ZBTB20: variants seen among roughly 807,000 people sequenced by gnomAD.
ZBTB20 encodes the protein zinc finger and BTB domain-containing protein 20.
A neutral mutation model predicts 56.9 loss-of-function variants in ZBTB20; 9 were observed. The observed-to-expected ratio is 0.16, with a 90% CI of 0.10 to 0.28. The LOEUF (loss-of-function observed/expected upper bound fraction) is 0.28, where lower values mean the gene tolerates loss of function less well. ZBTB20 is among the 10% of genes least tolerant of loss of function. The pLI is 1.00. For missense variants in ZBTB20, 655 were observed against 1,003.0 expected (o/e 0.65, Z 4.69); for synonymous variants, 417 against 420.7 (o/e 0.99, Z 0.11).
In ZBTB20 at chr3:114,486,113, A is replaced by G. The variant is rs1466708197; in HGVS notation, c.-255+14239T>C. On this transcript the variant is annotated intron_variant, in intron 7 of 11. Coordinates refer to ENST00000675478, the MANE Select transcript of ZBTB20 (RefSeq NM_001348800.3). ...AAAAAAATTCCAAATAATGGTGGTC[A>G]GTAAGAGTGTGTGTGTGTGTGTGTG... 5.2e-4 allele frequency among the ~76,000 whole-genome samples: 53 copies of G among 102,320 alleles called. 1 individual carries two copies. Among genetic ancestry groups the G allele is most frequent in the Admixed American group, 3.0e-3 (21 of 6,920 alleles). The allele number at this position is 102,320 out of a possible 152,430, so 67.1% of individuals were successfully genotyped here.
chr3:114,593,385 T>C (rs1405849901), intron 6 of ZBTB20, among the ~76,000 whole-genome samples: 1 of 125,778 alleles, frequency 8.0e-6, no homozygotes, highest in African/African-American at 3.3e-5. Context: ...TTTTCTTTTC[T>C]TTTTTTTTTT....
chr3:114,320,035 TC>T lies in ZBTB20; in HGVS notation c.*18969del, dbSNP rs2078838308. ...CATTAATTGCAATAATGACAAGATC[TC>T]TGCTCTCAGAGGAATGCTCTGTTTT... On this transcript the variant is annotated 3_prime_UTR_variant, in exon 12 of 12. Coordinates refer to ENST00000675478, the MANE Select transcript of ZBTB20 (RefSeq NM_001348800.3). 1 of 152,198 alleles carries T rather than the reference TC, an allele frequency of 6.6e-6. No individual in the cohort carries two copies. Among genetic ancestry groups the T allele is most frequent in the Non-Finnish European group, 1.5e-5 (1 of 68,022 alleles). 9.4% of individuals were successfully genotyped at this position (152,198 alleles called of 1,614,324 possible). A position where few individuals can be genotyped will look rare whatever the true frequency, so the allele number is the denominator to read the frequency against.
intron 7 of ZBTB20, among the ~76,000 whole-genome samples, chr3:114,394,969 T>A (rs1191869849): frequency 1.3e-5 from 2 of 152,228 alleles, no homozygotes; most frequent in African/African-American, 4.8e-5. Context: ...TTTTACATTA[T>A]TGTTATTTTT....
intron 5 of ZBTB20, among the ~76,000 whole-genome samples, chr3:114,752,843 T>C (rs2067672798): frequency 6.6e-6 from 1 of 152,170 alleles, no homozygotes; most frequent in South Asian, 2.1e-4. Flanking sequence ...CCTTGAAGAT[T>C]GACCCCATTA....
At chr3:114,491,729 T>C (rs1461534833) in intron 7 of ZBTB20, among the ~76,000 whole-genome samples, 1 of 152,150 alleles carries the variant, frequency 6.6e-6, no homozygotes, top group African/African-American at 2.4e-5. Flanking sequence ...TACTAGTGTT[T>C]CCATGCTTTT....
At chr3:114,932,159 T>C (rs1290198617) in intron 3 of ZBTB20, among the ~76,000 whole-genome samples, 5 of 152,256 alleles carry the variant, frequency 3.3e-5, no homozygotes, top group African/African-American at 1.2e-4. Context: ...GCCTTTGCAC[T>C]GATTGTGTTA....
chr3:114,779,497 C>A (rs2108768785), intron 5 of ZBTB20, among the ~76,000 whole-genome samples: 1 of 152,252 alleles, frequency 6.6e-6, no homozygotes, highest in Non-Finnish European at 1.5e-5. Context: ...TGGCCAGGAT[C>A]AGTGCAGATT....
chr3:114,700,941 C>T (rs575472799), intron 5 of ZBTB20, among the ~76,000 whole-genome samples: 34 of 152,236 alleles, frequency 2.2e-4, no homozygotes, highest in African/African-American at 8.2e-4. Flanking sequence ...AGGTGTTTCT[C>T]CCCTCCTATT....
intron 4 of ZBTB20, among the ~76,000 whole-genome samples, chr3:114,868,818 ACT>A (rs944968891): frequency 8.6e-5 from 13 of 152,016 alleles, no homozygotes; most frequent in Non-Finnish European, 1.5e-4. Context: ...ATTATTTTTT[ACT>A]CTTATCATGG....
chr3:114,332,738 G>C lies in ZBTB20; in HGVS notation c.*6267C>G, dbSNP rs144396520. On this transcript the variant is annotated 3_prime_UTR_variant, in exon 12 of 12. Coordinates refer to ENST00000675478, the MANE Select transcript of ZBTB20 (RefSeq NM_001348800.3). ...AGGCAATAATGCTACACTATAAGTA[G>C]CCTTTTGTGAAAATACCTTAATTGA... 1 of 152,278 alleles carries C rather than the reference G, an allele frequency of 6.6e-6. No homozygotes were observed. Among genetic ancestry groups the C allele is most frequent in the East Asian group, 1.9e-4 (1 of 5,186 alleles). The allele number at this position is 152,278 out of a possible 1,614,324, so 9.4% of individuals were successfully genotyped here.
intron 3 of ZBTB20, among the ~76,000 whole-genome samples, chr3:114,970,601 A>C (rs2077832372): frequency 6.6e-6 from 1 of 152,194 alleles, no homozygotes; most frequent in Non-Finnish European, 1.5e-5. Flanking sequence ...ATTTTCAAAA[A>C]CTTATCATTC....
chr3:114,916,446 T>TA (rs1241517529), intron 3 of ZBTB20, among the ~76,000 whole-genome samples: 1 of 152,128 alleles, frequency 6.6e-6, no homozygotes, highest in African/African-American at 2.4e-5. Flanking sequence ...CCAGTAGTAT[T>TA]ATGTACTATG....
At chr3:114,995,191 G>A (rs1160887986) in intron 2 of ZBTB20, among the ~76,000 whole-genome samples, 1 of 151,770 alleles carries the variant, frequency 6.6e-6, no homozygotes, top group African/African-American at 2.4e-5. Context: ...TAAACACAAG[G>A]GAACTTCAAC....
chr3:114,850,755 G>A (rs2074960591), intron 4 of ZBTB20, among the ~76,000 whole-genome samples: 1 of 152,148 alleles, frequency 6.6e-6, no homozygotes, highest in Non-Finnish European at 1.5e-5. Flanking sequence ...TATTCCCTGA[G>A]GCTGTAGAAT....
chr3:114,508,620 C>T (rs1302217609), intron 6 of ZBTB20, among the ~76,000 whole-genome samples: 2 of 152,012 alleles, frequency 1.3e-5, no homozygotes, highest in Admixed American at 6.6e-5. Context: ...GCTTTTAAAG[C>T]CTTTGAGTGT....
chr3:115,109,272 T>C (rs2083808313), intron 1 of ZBTB20, among the ~76,000 whole-genome samples: 1 of 152,108 alleles, frequency 6.6e-6, no homozygotes, highest in Admixed American at 6.6e-5. Context: ...GTGCATTCTA[T>C]AGGAAAAATA....
At chr3:114,536,465 A>G (rs1275985640) in intron 6 of ZBTB20, among the ~76,000 whole-genome samples, 2 of 152,184 alleles carry the variant, frequency 1.3e-5, no homozygotes, top group Non-Finnish European at 2.9e-5. Flanking sequence ...AGAACTACAA[A>G]CCACTGCTCA....
At chr3:114,771,733 A>G (rs770445459) in intron 5 of ZBTB20, among the ~76,000 whole-genome samples, 1 of 152,170 alleles carries the variant, frequency 6.6e-6, no homozygotes, top group Non-Finnish European at 1.5e-5. Context: ...ATTTACCTCC[A>G]GTTCCTCTTC....
At chr3:114,877,777 G>A (rs1459912474) in intron 4 of ZBTB20, among the ~76,000 whole-genome samples, 1 of 151,908 alleles carries the variant, frequency 6.6e-6, no homozygotes, top group Non-Finnish European at 1.5e-5. Flanking sequence ...CAATACACCT[G>A]CTTTTTTTTC....
Sources: allele counts gnomAD v4.1 joint callset (sites outside exome capture counted in the v4.1 genomes callset), GRCh38; gene constraint gnomAD v4.1.1; transcripts MANE v1.5; gene names NCBI Gene and HGNC (gene_info 2026-07-23, HGNC 2026-07-21).